FSTL4: variants seen among roughly 807,000 people sequenced by gnomAD.
FSTL4 encodes follistatin-related protein 4.
Under a neutral mutation model 78.2 loss-of-function variants are expected in FSTL4, and 28 were observed. That is an observed-to-expected ratio of 0.36 (90% CI 0.27 to 0.49). FSTL4 has a LOEUF of 0.49. Ranked by LOEUF, FSTL4 falls within the 20% of genes least tolerant of loss-of-function variation. The pLI is 0.98. For synonymous variants in FSTL4, 422 were observed against 440.5 expected (o/e 0.96, Z 0.53); for missense variants, 922 against 1,084.9 (o/e 0.85, Z 2.11).
At chr5:133,439,657 G>A (rs1302962730) in intron 3 of FSTL4, among the ~76,000 whole-genome samples, 2 of 152,196 alleles carry the variant, frequency 1.3e-5, no homozygotes, top group African/African-American at 2.4e-5. Flanking sequence ...CTAAAACAGG[G>A]CTTAGAATAA....
At chr5:133,552,139 G>A (rs976075908) in intron 3 of FSTL4, among the ~76,000 whole-genome samples, 3 of 152,096 alleles carry the variant, frequency 2.0e-5, no homozygotes, top group African/African-American at 7.2e-5. Flanking sequence ...CTTCCCTCCT[G>A]CCCTCCACTT....
At chr5:133,702,348 T>C in the FSTL4 span, among the ~76,000 whole-genome samples, 2 of 152,194 alleles carry the variant, frequency 1.3e-5, no homozygotes, top group Admixed American at 1.3e-4. Flanking sequence ...CTATGGCTCC[T>C]CGGCCTGAGC....
chr5:133,457,837 G>A (rs185513415), intron 3 of FSTL4: 86 of 152,326 alleles, frequency 5.6e-4, no homozygotes, highest in Middle Eastern at 6.8e-3. Flanking sequence ...ACCTTGGAAG[G>A]AGTGGATGAG....
chr5:133,534,883 TA>T (rs1177109219), intron 3 of FSTL4, among the ~76,000 whole-genome samples: 1 of 152,128 alleles, frequency 6.6e-6, no homozygotes, highest in Admixed American at 6.5e-5. Flanking sequence ...TTCATCCTTT[TA>T]ATATGTGAGC....
At chr5:133,630,241 G>T in the FSTL4 span, among the ~76,000 whole-genome samples, 1 of 152,260 alleles carries the variant, frequency 6.6e-6, no homozygotes, top group Non-Finnish European at 1.5e-5. Flanking sequence ...TGTATATTTA[G>T]AAAATGCCAT....
chr5:133,468,246 G>C (rs27415), intron 3 of FSTL4, among the ~76,000 whole-genome samples: 11,887 of 152,304 alleles, frequency 0.078, 579 homozygotes, highest in Non-Finnish European at 0.1. Flanking sequence ...GGCTCTGTGG[G>C]TCTTGTCTTA....
At chr5:133,357,092 G>C (rs1050698252) in intron 4 of FSTL4, among the ~76,000 whole-genome samples, 1 of 152,176 alleles carries the variant, frequency 6.6e-6, no homozygotes, top group Non-Finnish European at 1.5e-5. Flanking sequence ...GACAGACCCC[G>C]GGCAGGGACC....
chr5:133,210,907 C>T (rs938552593), intron 13 of FSTL4: 3 of 152,232 alleles, frequency 2.0e-5, no homozygotes, highest in African/African-American at 7.2e-5. Context: ...CACTCAGGAA[C>T]CAGCTCCAGG....
At chr5:133,412,243 G>A (rs1304706855) in intron 3 of FSTL4, among the ~76,000 whole-genome samples, 1 of 152,060 alleles carries the variant, frequency 6.6e-6, no homozygotes, top group Non-Finnish European at 1.5e-5. Context: ...CCAGATACTA[G>A]AACATTCAAC....
At chr5:133,793,670 T>C in the FSTL4 span, among the ~76,000 whole-genome samples, 2 of 152,232 alleles carry the variant, frequency 1.3e-5, no homozygotes, top group African/African-American at 2.4e-5. Context: ...CAAAGCCTGC[T>C]GAACTTTGCT....
the FSTL4 span, among the ~76,000 whole-genome samples, chr5:133,808,757 A>T: frequency 6.6e-6 from 1 of 152,036 alleles, no homozygotes; most frequent in Middle Eastern, 3.2e-3. Flanking sequence ...CTGCCCCTCC[A>T]TGCTTCTGTG....
At chr5:133,529,070 T>C (rs1016996315) in intron 3 of FSTL4, among the ~76,000 whole-genome samples, 12 of 152,144 alleles carry the variant, frequency 7.9e-5, no homozygotes, top group Admixed American at 7.8e-4. Context: ...TTGGAAGCCA[T>C]TGTCAGCCTG....
chr5:133,450,166 C>T (rs2127009849), intron 3 of FSTL4, among the ~76,000 whole-genome samples: 1 of 152,306 alleles, frequency 6.6e-6, no homozygotes. Flanking sequence ...CATCTCCATG[C>T]CCAAGGAAAA....
chr5:133,498,731 A>AC (rs1227196697), intron 3 of FSTL4, among the ~76,000 whole-genome samples: 4 of 151,844 alleles, frequency 2.6e-5, no homozygotes, highest in African/African-American at 9.7e-5. Context: ...AAAAAAAAAA[A>AC]GGATCATGCC....
the FSTL4 span, among the ~76,000 whole-genome samples, chr5:133,783,698 G>T: frequency 2.0e-5 from 3 of 152,174 alleles, no homozygotes; most frequent in African/African-American, 4.8e-5. Context: ...TGTGGGTTGT[G>T]CTGCCCCGTC....
the FSTL4 span, among the ~76,000 whole-genome samples, chr5:133,820,847 A>G: frequency 1.3e-5 from 2 of 152,228 alleles, no homozygotes; most frequent in Non-Finnish European, 2.9e-5. Context: ...GGACTTCTCA[A>G]CTTGTTGGAG....
chr5:133,602,704 G>A (rs1346372663), intron 2 of FSTL4, among the ~76,000 whole-genome samples: 5 of 152,184 alleles, frequency 3.3e-5, no homozygotes, highest in African/African-American at 9.6e-5. Flanking sequence ...GGATTTAGAC[G>A]GCAGAGATAG....
At chr5:133,649,408 G>GT in the FSTL4 span, among the ~76,000 whole-genome samples, 6 of 152,088 alleles carry the variant, frequency 3.9e-5, no homozygotes, top group East Asian at 1.9e-4. Flanking sequence ...TATGGTAAAA[G>GT]TTTTTTTAAA....
At chr5:133,621,042 AGTG>A in the FSTL4 span, among the ~76,000 whole-genome samples, 1 of 152,220 alleles carries the variant, frequency 6.6e-6, no homozygotes, top group African/African-American at 2.4e-5. Flanking sequence ...TCAATCAAAG[AGTG>A]GATAAAGAAA....
Sources: gnomAD v4.1 joint callset for allele counts (sites outside exome capture counted in the v4.1 genomes callset) on GRCh38, gnomAD v4.1.1 for gene constraint, MANE v1.5 for transcripts, NCBI Gene and HGNC (gene_info 2026-07-23, HGNC 2026-07-21) for gene names.